Variants in SGPL1 observed in about 807,000 individuals in gnomAD.
SGPL1 encodes the protein sphingosine-1-phosphate lyase 1.
A neutral mutation model predicts 68.9 loss-of-function variants in SGPL1; 37 were observed. That is an observed-to-expected ratio of 0.54 (90% CI 0.41 to 0.71). SGPL1 has a LOEUF of 0.71. SGPL1 is among the 30% of genes least tolerant of loss of function. The pLI, the probability that SGPL1 is intolerant of heterozygous loss-of-function variation, is 0.00. For missense variants in SGPL1, 551 were observed against 704.6 expected (o/e 0.78, Z 2.47); for synonymous variants, 236 against 248.5 (o/e 0.95, Z 0.47).
intron 4 of SGPL1, among the ~76,000 whole-genome samples, chr10:70,853,243 A>G (rs748469009): frequency 3.3e-5 from 5 of 152,234 alleles, no homozygotes; most frequent in African/African-American, 9.6e-5. Context: ...TATTGCAGAC[A>G]TGCTCGAAAG....
At chr10:70,832,793 G>T (rs558593388) in intron 2 of SGPL1, among the ~76,000 whole-genome samples, 2 of 152,062 alleles carry the variant, frequency 1.3e-5, no homozygotes, top group African/African-American at 2.4e-5. Flanking sequence ...TTACCTACTT[G>T]CCTTAGGCTG....
chr10:70,830,075 A>T (rs888157479), intron 2 of SGPL1, among the ~76,000 whole-genome samples: 2 of 152,148 alleles, frequency 1.3e-5, no homozygotes, highest in Admixed American at 6.5e-5. Context: ...TGGCCCATTT[A>T]AAAACTTTTT....
chr10:70,862,233 C>T (rs1846078796), intron 7 of SGPL1, among the ~76,000 whole-genome samples: 1 of 152,218 alleles, frequency 6.6e-6, no homozygotes, highest in Admixed American at 6.5e-5. Context: ...AATCAGCACC[C>T]TGTGTCTAGC....
At position 70,873,335 on chromosome 10, in the gene SGPL1, G is replaced by A. The variant is rs966947034; in HGVS notation, c.1060-16G>A. The A allele has an allele frequency of 2.5e-6, 4 of 1,588,458 alleles. No homozygotes were observed. In the African/African-American group the frequency reaches 5.4e-5, roughly 21 times the overall value. On this transcript the variant is annotated splice_polypyrimidine_tract_variant and intron_variant, in intron 11 of 14. Coordinates refer to ENST00000373202, the MANE Select transcript of SGPL1 (RefSeq NM_003901.4). The stretch of plus-strand genomic sequence containing the variant: ...AACTATACTCTCACTTTTCTTGTCT[G>A]CTACTTCTTCCACAGTATGGCTATG...
rs370799576 is a variant in SGPL1 at position 70,869,791 on chromosome 10, G to A, written c.705-1G>A. 8 of 1,613,216 alleles carry A rather than the reference G, an allele frequency of 5.0e-6. No individual in the cohort carries two copies. Among genetic ancestry groups the A allele is most frequent in the African/African-American group, 1.3e-5 (1 of 74,880 alleles). ...TTATTCTCCTCTTCCCTGTCATTTA[G>A]TGTGGCTCCCCAAAGTGCCCATGCT... On this transcript the variant is annotated splice_acceptor_variant, in intron 8 of 14. Coordinates refer to ENST00000373202, the MANE Select transcript of SGPL1 (RefSeq NM_003901.4). LOFTEE classifies it high-confidence loss of function.
chr10:70,853,104 G>A (rs1353788306), intron 4 of SGPL1, among the ~76,000 whole-genome samples: 2 of 152,152 alleles, frequency 1.3e-5, no homozygotes, highest in African/African-American at 4.8e-5. Context: ...CTGTTCTGTT[G>A]CATGAGTCGC....
chr10:70,871,043 C>T lies in SGPL1; in HGVS notation c.811-5C>T. On this transcript the variant is annotated splice_region_variant and splice_polypyrimidine_tract_variant and intron_variant, in intron 9 of 14. Coordinates refer to ENST00000373202, the MANE Select transcript of SGPL1 (RefSeq NM_003901.4). ...CTCATTTTCCTTTAAACTTTAAATC[C>T]CTAGGCAATGAGAAGAGCTATCTCC... 1.2e-6 allele frequency: 2 copies of T among 1,608,790 alleles called. No individual in the cohort carries two copies. Among genetic ancestry groups the T allele is most frequent in the Non-Finnish European group, 1.7e-6 (2 of 1,175,202 alleles).
At chr10:70,825,770 T>C (rs1190187636) in intron 2 of SGPL1, among the ~76,000 whole-genome samples, 7 of 152,242 alleles carry the variant, frequency 4.6e-5, no homozygotes, top group African/African-American at 1.7e-4. Flanking sequence ...CTTTAATTTT[T>C]AGAAAATTTT....
At chr10:70,832,601 T>C (rs895420619) in intron 2 of SGPL1, among the ~76,000 whole-genome samples, 11 of 152,228 alleles carry the variant, frequency 7.2e-5, no homozygotes, top group African/African-American at 2.2e-4. Flanking sequence ...TAGATCTTGC[T>C]TATTATCCAA....
chr10:70,832,986 A>G (rs906220841), intron 2 of SGPL1, among the ~76,000 whole-genome samples: 9 of 152,226 alleles, frequency 5.9e-5, no homozygotes, highest in Non-Finnish European at 1.2e-4. Flanking sequence ...CAGAATCAGC[A>G]TCTCCCTTTA....
At chr10:70,825,957 G>A (rs1031292182) in intron 2 of SGPL1, among the ~76,000 whole-genome samples, 2 of 152,184 alleles carry the variant, frequency 1.3e-5, no homozygotes, top group African/African-American at 4.8e-5. Context: ...CGAAATGGGC[G>A]GATCACTTGA....
intron 3 of SGPL1, among the ~76,000 whole-genome samples, chr10:70,848,271 G>A (rs1315049158): frequency 6.6e-6 from 1 of 152,066 alleles, no homozygotes; most frequent in Admixed American, 6.5e-5. Context: ...TTGCATGAGT[G>A]GAATTTGTAA....
Position 70,879,554 on chromosome 10 carries a change from G to C in SGPL1, c.*2219G>C, listed in dbSNP as rs1198105312. On this transcript the variant is annotated 3_prime_UTR_variant, in exon 15 of 15. Transcript: ENST00000373202. ...AGTGCATTATGTTGAATGAGGTCCA[G>C]GAACCCAGAGCCACCCAGCAGACAC... 1 of 152,490 alleles carries C rather than the reference G, an allele frequency of 6.6e-6. No individual in the cohort carries two copies. Among genetic ancestry groups the C allele is most frequent in the East Asian group, 1.9e-4 (1 of 5,204 alleles). 9.4% of individuals were successfully genotyped at this position (152,490 alleles called of 1,614,324 possible).
chr10:70,844,622 T>C lies in SGPL1; in HGVS notation c.177T>C (p.Phe59=), dbSNP rs768541677. 1.2e-5 allele frequency: 19 copies of C among 1,613,938 alleles called. No individual in the cohort carries two copies. In the East Asian group the frequency reaches 3.6e-4, roughly 30 times the overall value. Residue 59 remains phenylalanine, a synonymous_variant, in exon 3 of 15, where the codon TTT becomes TTC. Transcript: ENST00000373202. The part of the protein sequence containing the change: ...WTLLIVWGYE[F]VFQPESLWSR... The stretch of plus-strand genomic sequence containing the variant: ...TGCTGATAGTCTGGGGATATGAGTT[T>C]GTCTTCCAGCCAGAGAGTAAGTATG...
At chr10:70,860,630 T>C in intron 7 of SGPL1, 2 of 332,388 alleles carry the variant, frequency 6.0e-6, no homozygotes, top group Non-Finnish European at 1.2e-5. Context: ...TCCTATGCCA[T>C]TAGACTCTTG....
intron 1 of SGPL1, 123 bp from the exon 2 acceptor site, chr10:70,816,688 G>A: frequency 1.3e-6 from 1 of 742,560 alleles, no homozygotes. Flanking sequence ...GTGATATCTG[G>A]GAATGAAATC....
chr10:70,839,984 T>C (rs532022561), intron 2 of SGPL1, among the ~76,000 whole-genome samples: 2 of 152,262 alleles, frequency 1.3e-5, no homozygotes, highest in Admixed American at 1.3e-4. Flanking sequence ...CATTCAGAGC[T>C]GTCCTGGACT....
At chr10:70,819,657 G>T (rs1340596934) in intron 2 of SGPL1, among the ~76,000 whole-genome samples, 3 of 143,426 alleles carry the variant, frequency 2.1e-5, no homozygotes, top group Non-Finnish European at 3.0e-5. Flanking sequence ...TTGAGACAAG[G>T]TCTCACTCTG....
At chr10:70,870,306 G>A (rs956274847) in intron 9 of SGPL1, among the ~76,000 whole-genome samples, 2 of 151,978 alleles carry the variant, frequency 1.3e-5, no homozygotes, top group African/African-American at 4.8e-5. Context: ...AGGAGTTTGC[G>A]ACCAGTCTGA....
Sources: allele counts gnomAD v4.1 joint callset (sites outside exome capture counted in the v4.1 genomes callset), GRCh38; gene constraint gnomAD v4.1.1; transcripts MANE v1.5; gene names NCBI Gene and HGNC (gene_info 2026-07-23, HGNC 2026-07-21).